Variants in ERC1 observed in about 807,000 individuals in gnomAD.
ERC1 encodes RAB6 interacting protein 2.
ERC1 carries 56 observed loss-of-function variants against 132.0 expected under a neutral mutation model. The ratio of observed to expected loss-of-function variants is 0.42; its 90% CI spans 0.34 to 0.53. The LOEUF (loss-of-function observed/expected upper bound fraction) is 0.53, where lower values mean the gene tolerates loss of function less well. Among genes scored for constraint, ERC1 ranks in the 20% least tolerant of loss-of-function variants. ERC1 has a pLI of 0.03. For missense variants in ERC1, 1,202 were observed against 1,349.9 expected (o/e 0.89, Z 1.72); for synonymous variants, 478 against 476.1 (o/e 1.00, Z -0.05).
chr12:1,110,179 C>T lies in ERC1; in HGVS notation c.1162-13C>T. 1 of 1,587,338 alleles carries T rather than the reference C, an allele frequency of 6.3e-7. No individual in the cohort carries two copies. The highest frequency in any genetic ancestry group is 1.9e-5 in the Admixed American group (1 of 53,576). On this transcript the variant is annotated splice_polypyrimidine_tract_variant and intron_variant, in intron 4 of 18. Coordinates refer to ENST00000360905, the MANE Select transcript of ERC1 (RefSeq NM_178040.4). ...GTGAATACTTCAATCACTAAATCTT[C>T]CATTGTCTTCAGGATTCAAAAATTT...
intron 12 of ERC1, among the ~76,000 whole-genome samples, chr12:1,230,471 T>C (rs1019488339): frequency 6.6e-6 from 1 of 152,232 alleles, no homozygotes; most frequent in Non-Finnish European, 1.5e-5. Context: ...CATAGTTGGA[T>C]TTAACACTTA....
intron 13 of ERC1, among the ~76,000 whole-genome samples, chr12:1,260,436 CT>C (rs1395152116): frequency 4.6e-5 from 7 of 152,130 alleles, no homozygotes; most frequent in Non-Finnish European, 1.0e-4. Context: ...TGGATTTAAT[CT>C]TTTTGCAAGA....
At chr12:1,452,055 C>G (rs2093436373) in intron 18 of ERC1, among the ~76,000 whole-genome samples, 1 of 152,212 alleles carries the variant, frequency 6.6e-6, no homozygotes, top group Non-Finnish European at 1.5e-5. Flanking sequence ...TGTTGGATTT[C>G]TGGCTTCCAG....
chr12:1,447,842 G>A (rs569664712), intron 18 of ERC1, among the ~76,000 whole-genome samples: 2 of 152,042 alleles, frequency 1.3e-5, no homozygotes, highest in Non-Finnish European at 2.9e-5. Context: ...TAGAGATGGG[G>A]TTTCACCATG....
intron 15 of ERC1, among the ~76,000 whole-genome samples, chr12:1,354,422 C>T (rs1169332100): frequency 6.6e-6 from 1 of 151,988 alleles, no homozygotes; most frequent in African/African-American, 2.4e-5. Flanking sequence ...ACTCAGGAGG[C>T]TGAGGCAGGA....
At position 1,104,806 on chromosome 12, in the gene ERC1, A is replaced by C. The variant is rs775854032; in HGVS notation, c.1143A>C (p.Gln381His). Reference sequence around the variant, plus strand: ...ATTCTGCCAAAACAAAAGCTCTGCAAACTGTTATTGAGATGAAGGTAAGTG... The same window carrying C: ...ATTCTGCCAAAACAAAAGCTCTGCACACTGTTATTGAGATGAAGGTAAGTG... The part of the protein sequence containing the change: ...APDSAKTKAL[Q>H]TVIEMKDSKI... Residue 381 changes from glutamine to histidine, a missense_variant, in exon 4 of 19, where the codon CAA becomes CAC. Physicochemically the swap from Gln to His is conservative, Grantham distance 24. Transcript: ENST00000360905. 1.9e-6 allele frequency: 3 copies of C among 1,611,786 alleles called. No individual in the cohort carries two copies. Among genetic ancestry groups the C allele is most frequent in the South Asian group, 2.2e-5 (2 of 91,028 alleles).
In ERC1 at chr12:1,492,660, C is replaced by T. The variant is rs1161347553; in HGVS notation, c.*2430C>T. On this transcript the variant is annotated 3_prime_UTR_variant, in exon 19 of 19. Transcript: ENST00000360905. ...TTCTGAGAAGAAGCATTTCCGGGAC[C>T]GATATCATCTGTCTGGTCTCTGTGA... 5.2e-5 allele frequency: 12 copies of T among 232,804 alleles called. No individual in the cohort carries two copies. Among genetic ancestry groups the T allele is most frequent in the Admixed American group, 2.8e-4 (5 of 17,770 alleles). The allele number at this position is 232,804 out of a possible 1,614,324, so 14.4% of individuals were successfully genotyped here. A position where few individuals can be genotyped will look rare whatever the true frequency, so the allele number is the denominator to read the frequency against.
At chr12:1,359,302 C>G (rs1463017097) in intron 15 of ERC1, among the ~76,000 whole-genome samples, 1 of 152,294 alleles carries the variant, frequency 6.6e-6, no homozygotes, top group East Asian at 1.9e-4. Flanking sequence ...GGAGTCACTT[C>G]TACACTCAAC....
rs762129792 is a variant in ERC1, at chr12:1,028,145, G to A, written c.242G>A (p.Gly81Asp). The A allele has an allele frequency of 6.2e-7, 1 of 1,614,180 alleles. No homozygotes were observed. The highest frequency in any genetic ancestry group is 2.2e-5 in the East Asian group (1 of 44,878). ...TATCTAAGTGACCATGAAAATGTGG[G>A]TTCAGAAACACCTAAAAGCACCATG... ...PMYLSDHENV[G>D]SETPKSTMTL... The change falls in exon 2 of 19, where the codon GGT becomes GAT. Residue 81 changes from glycine (G) to aspartate (D), a missense_variant. By Grantham distance (94) the Gly-to-Asp change is moderately conservative. Transcript: ENST00000360905.
At chr12:1,023,727 A>G (rs1323898756) in intron 1 of ERC1, among the ~76,000 whole-genome samples, 2 of 152,208 alleles carry the variant, frequency 1.3e-5, no homozygotes, top group Non-Finnish European at 2.9e-5. Flanking sequence ...GGAACGAACA[A>G]AGAAGGAGGA....
At chr12:1,232,459 A>T (rs2075116402) in intron 12 of ERC1, among the ~76,000 whole-genome samples, 1 of 152,328 alleles carries the variant, frequency 6.6e-6, no homozygotes, top group South Asian at 2.1e-4. Flanking sequence ...TTAATGCTGC[A>T]TCGGAGCTTC....
intron 1 of ERC1, among the ~76,000 whole-genome samples, chr12:1,007,452 G>T (rs1340864256): frequency 2.1e-5 from 3 of 143,452 alleles, no homozygotes; most frequent in Middle Eastern, 3.2e-3. Context: ...ACAGGACTGG[G>T]TAATTCATTC....
In ERC1 at chr12:1,014,623, G is replaced by A. The variant is rs576705867; in HGVS notation, c.-156-13125G>A. 7.2e-5 allele frequency among the ~76,000 whole-genome samples: 11 copies of A among 152,204 alleles called. 1 individual carries two copies. The highest frequency in any genetic ancestry group is 6.2e-4 in the South Asian group (3 of 4,814). On this transcript the variant is annotated intron_variant, in intron 1 of 18. Coordinates refer to ENST00000360905, the MANE Select transcript of ERC1 (RefSeq NM_178040.4). ...CATTTCTGTGTATATACAAACATAC[G>A]TGTATATATCCTTTGTACACAAATG...
chr12:1,311,600 C>G (rs1432972688), intron 15 of ERC1, among the ~76,000 whole-genome samples: 1 of 151,232 alleles, frequency 6.6e-6, no homozygotes, highest in Non-Finnish European at 1.5e-5. Context: ...TCTTTTTTTT[C>G]TATGTATGTG....
At chr12:1,285,486 T>C (rs1416801899) in intron 14 of ERC1, among the ~76,000 whole-genome samples, 2 of 152,122 alleles carry the variant, frequency 1.3e-5, no homozygotes, top group Non-Finnish European at 2.9e-5. Flanking sequence ...TATTTTAGAA[T>C]GATAGAGGGT....
intron 16 of ERC1, among the ~76,000 whole-genome samples, chr12:1,376,574 A>G (rs1366890086): frequency 6.6e-6 from 1 of 152,162 alleles, no homozygotes; most frequent in African/African-American, 2.4e-5. Flanking sequence ...TGTCTTCATT[A>G]TTTGGGGAAG....
chr12:1,034,399 G>A lies in ERC1; in HGVS notation c.669+5827G>A, dbSNP rs1565827246. 2.0e-5 allele frequency among the ~76,000 whole-genome samples: 3 copies of A among 151,928 alleles called. No individual in the cohort carries two copies. The South Asian group carries it at 6.2e-4, about 32-fold the overall frequency. ...GAGTCCAGCCTGGGCAACATAGTGA[G>A]ACCTTGTCTCTTAAAAATAAATAAA... is the stretch of plus-strand genomic sequence containing the variant. On this transcript the variant is annotated intron_variant, in intron 2 of 18. Coordinates refer to ENST00000360905, the MANE Select transcript of ERC1 (RefSeq NM_178040.4).
chr12:1,069,738 T>TA (rs1939976385), intron 2 of ERC1, among the ~76,000 whole-genome samples: 1 of 152,236 alleles, frequency 6.6e-6, no homozygotes, highest in South Asian at 2.1e-4. Flanking sequence ...TAATCAAACA[T>TA]ACTAATTTTT....
In ERC1 at chr12:1,490,752, G is replaced by A. The variant is rs912534539; in HGVS notation, c.*522G>A. 2.6e-5 allele frequency: 6 copies of A among 234,120 alleles called. No homozygotes were observed. Among genetic ancestry groups the A allele is most frequent in the African/African-American group, 8.8e-5 (4 of 45,312 alleles). 14.5% of individuals were successfully genotyped at this position (234,120 alleles called of 1,614,324 possible). On this transcript the variant is annotated 3_prime_UTR_variant, in exon 19 of 19. Coordinates refer to ENST00000360905, the MANE Select transcript of ERC1 (RefSeq NM_178040.4). ...GAAGGGGGGAAGGGAAGAGAAAATCGACTCTTCTTTTTACTGTCTCTTCTG... is the reference window on the plus strand; with the variant it reads ...GAAGGGGGGAAGGGAAGAGAAAATCAACTCTTCTTTTTACTGTCTCTTCTG...
Sources: allele counts gnomAD v4.1 joint callset (sites outside exome capture counted in the v4.1 genomes callset), GRCh38; gene constraint gnomAD v4.1.1; transcripts MANE v1.5; gene names NCBI Gene and HGNC (gene_info 2026-07-23, HGNC 2026-07-21).